Variants in EXOC3L4 observed in about 807,000 individuals in gnomAD.
EXOC3L4 encodes exocyst complex component 3-like protein 4.
In EXOC3L4, 62 loss-of-function variants were observed where a neutral mutation model predicts 69.7. The ratio of observed to expected loss-of-function variants is 0.89; its 90% CI spans 0.72 to 1.10. EXOC3L4 has a LOEUF of 1.10. EXOC3L4 is among the 50% of genes least tolerant of loss of function. EXOC3L4 has a pLI of 0.00. For synonymous variants in EXOC3L4, 502 were observed against 464.2 expected, an observed-to-expected ratio of 1.08 and a Z score of -1.05; for missense variants, 1,087 against 1,034.8, an observed-to-expected ratio of 1.05 and a Z score of -0.69.
rs542851668 is a variant in EXOC3L4 at position 103,108,216 on chromosome 14, C to A, written c.1855-180C>A. Among the ~76,000 whole-genome samples the A allele has an allele frequency of 2.0e-5, 3 of 152,262 alleles. No homozygotes were observed. In the East Asian group the frequency reaches 5.8e-4, roughly 30 times the overall value. On this transcript the variant is annotated intron_variant, in intron 10 of 11. Transcript: ENST00000688303. The stretch of plus-strand genomic sequence containing the variant: ...GCTGTGTAGCCAGCCCATGAGCCCT[C>A]GGTGCCCAGGCACGCTCCCGTTCTG...
chr14:103,105,851 G>A (rs1890517129), intron 7 of EXOC3L4, among the ~76,000 whole-genome samples: 1 of 152,214 alleles, frequency 6.6e-6, no homozygotes, highest in African/African-American at 2.4e-5. Flanking sequence ...GTAAATTTTA[G>A]TGTCCCGAAG....
In EXOC3L4 at chr14:103,100,484, C is replaced by G; in HGVS notation, c.265C>G (p.Gln89Glu). 6.2e-7 allele frequency: 1 copy of G among 1,613,352 alleles called. No homozygotes were observed. The highest frequency in any genetic ancestry group is 8.5e-7 in the Non-Finnish European group (1 of 1,179,944). ...SSCSLFRSFRQALNDGPATGH... is the reference protein window; with the variant it reads ...SSCSLFRSFREALNDGPATGH... Reference sequence around the variant, plus strand: ...CTGCTCCCTGTTCCGGTCCTTCCGGCAAGCCCTGAATGACGGCCCAGCTAC... The same window carrying G: ...CTGCTCCCTGTTCCGGTCCTTCCGGGAAGCCCTGAATGACGGCCCAGCTAC... Residue 89 changes from glutamine to glutamate, a missense_variant, in exon 2 of 12, where the codon CAA becomes GAA. Transcript: ENST00000688303.
At chr14:103,109,213 C>T (rs1332334214) in intron 11 of EXOC3L4, among the ~76,000 whole-genome samples, 2 of 72,656 alleles carry the variant, frequency 2.8e-5, no homozygotes, top group Admixed American at 1.4e-4. Context: ...CCCATGTCTC[C>T]CTCCCTCCCT....
intron 3 of EXOC3L4, among the ~76,000 whole-genome samples, chr14:103,103,169 G>A (rs912162496): frequency 1.3e-5 from 2 of 152,080 alleles, no homozygotes; most frequent in Middle Eastern, 3.2e-3. Flanking sequence ...TTCGAAATCA[G>A]CCTGGCCAAC....
At position 103,106,861 on chromosome 14, in the gene EXOC3L4, C is replaced by T. The variant is rs774664684; in HGVS notation, c.1543C>T (p.Gln515Ter). 4 of 1,589,584 alleles carry T rather than the reference C, an allele frequency of 2.5e-6. No homozygotes were observed. The Admixed American group carries it at 7.0e-5, about 28-fold the overall frequency. ...CCTGGTGACGGCCACCTGCAGCTTCCAGAAGCACTTGCTTCAGGGCTTGCA... is the reference window on the plus strand; with the variant it reads ...CCTGGTGACGGCCACCTGCAGCTTCTAGAAGCACTTGCTTCAGGGCTTGCA... Reference protein sequence around the residue: ...KPLVTATCSFQKHLLQGLQRE... With the variant: ...KPLVTATCSF Residue 515 changes from glutamine (Q) to a stop codon, truncating the protein, a stop_gained, in exon 8 of 12, where the codon CAG (glutamine) becomes TAG (stop). Coordinates refer to ENST00000688303, the MANE Select transcript of EXOC3L4 (RefSeq NM_001077594.2). LOFTEE classifies it high-confidence loss of function.
chr14:103,106,822 G>T lies in EXOC3L4; in HGVS notation c.1504G>T (p.Glu502Ter), dbSNP rs1348800327. Residue 502 changes from glutamate to a stop codon, truncating the protein, a stop_gained, in exon 8 of 12, where the codon GAG (glutamate) becomes TAG (stop). Coordinates refer to ENST00000688303, the MANE Select transcript of EXOC3L4 (RefSeq NM_001077594.2). LOFTEE classifies it high-confidence loss of function. ...CTCCAGGTTCCCAGGAACCCAAGAG[G>T]AGCTGGAGAAGCCCCTGGTGACGGC... is the stretch of plus-strand genomic sequence containing the variant. ...LLSRFPGTQE[E>*]LEKPLVTATC... is the part of the protein sequence containing the mutation. 1 of 1,595,280 alleles carries T rather than the reference G, an allele frequency of 6.3e-7. No homozygotes were observed. Among genetic ancestry groups the T allele is most frequent in the Non-Finnish European group, 8.5e-7 (1 of 1,170,310 alleles).
Position 103,102,786 on chromosome 14 carries a change from A to G in EXOC3L4, c.1049+14A>G. 7.5e-7 allele frequency: 1 copy of G among 1,328,830 alleles called. No individual in the cohort carries two copies. The highest frequency in any genetic ancestry group is 2.3e-4 in the Middle Eastern group (1 of 4,258). The allele number at this position is 1,328,830 out of a possible 1,614,324, so 82.3% of individuals were successfully genotyped here. On this transcript the variant is annotated intron_variant, in intron 3 of 11. Coordinates refer to ENST00000688303, the MANE Select transcript of EXOC3L4 (RefSeq NM_001077594.2). ...CGTCTACGGCAGGTGAGTCTCGGCC[A>G]GGGCGCCCAGTGGCGAGGACAGCTG...
In EXOC3L4 at chr14:103,107,530, G is replaced by A. The variant is rs141635494; in HGVS notation, c.1688G>A (p.Arg563Gln). Reference protein sequence around the residue: ...TFAGHLQRVARPRAQETLQEV... With the variant: ...TFAGHLQRVAQPRAQETLQEV... ...GCCGGTCATCTCCAGCGTGTGGCCCGGCCGCGGGCACAGGTACCACAAGGG... is the reference window on the plus strand; with the variant it reads ...GCCGGTCATCTCCAGCGTGTGGCCCAGCCGCGGGCACAGGTACCACAAGGG... The change falls in exon 9 of 12, where the codon CGG becomes CAG. Residue 563 changes from arginine (R) to glutamine (Q), a missense_variant. By Grantham distance (43) the Arg-to-Gln change is conservative. Transcript: ENST00000688303. 12 of 1,613,578 alleles carry A rather than the reference G, an allele frequency of 7.4e-6. No individual in the cohort carries two copies. The highest frequency in any genetic ancestry group is 4.0e-5 in the African/African-American group (3 of 74,938).
At chr14:103,105,097 G>A in intron 7 of EXOC3L4, 25 bp downstream of exon 7, 1 of 1,580,414 alleles carries the variant, frequency 6.3e-7, no homozygotes. Flanking sequence ...CTCCTGTGCG[G>A]GCGCAGCGTG....
In EXOC3L4 at chr14:103,106,897, C is replaced by A; in HGVS notation, c.1579C>A (p.Gln527Lys). Residue 527 changes from glutamine to lysine, a missense_variant and splice_region_variant, in exon 8 of 12, where the codon CAG becomes AAG. Physicochemically the swap from Gln to Lys is moderately conservative, Grantham distance 53. Transcript: ENST00000688303. ...HLLQGLQREL[Q>K]PLFRVVCTRD... ...GCTTCAGGGCTTGCAGCGTGAGTTG[C>A]AGGTGACTGTGATAGGCCCTCTCTC... The A allele has an allele frequency of 1.3e-6, 2 of 1,560,782 alleles. No homozygotes were observed.
chr14:103,098,309 G>A (rs944079763), intron 1 of EXOC3L4, among the ~76,000 whole-genome samples: 1 of 152,144 alleles, frequency 6.6e-6, no homozygotes, highest in Non-Finnish European at 1.5e-5. Context: ...CGGGAGGGGA[G>A]CTTCTGGGCG....
chr14:103,108,804 C>G (rs2139515307), intron 11 of EXOC3L4, among the ~76,000 whole-genome samples: 1 of 152,278 alleles, frequency 6.6e-6, no homozygotes, highest in South Asian at 2.1e-4. Context: ...AGAAAGCCCT[C>G]TCTGAAAGCC....
At chr14:103,103,809 T>TGTGG in intron 3 of EXOC3L4, 132 bp from the exon 4 acceptor site, 2 of 598,938 alleles carry the variant, frequency 3.3e-6, no homozygotes, top group Non-Finnish European at 3.0e-6. Context: ...TGTGTGTGTG[T>TGTGG]GTGTGTGTGT....
At chr14:103,104,860 G>A in intron 6 of EXOC3L4, 22 bp downstream of exon 6, 1 of 1,515,606 alleles carries the variant, frequency 6.6e-7, no homozygotes, top group Non-Finnish European at 8.9e-7. Context: ...TCCTCAGTAG[G>A]GGAGCGACCT....
intron 10 of EXOC3L4, 76 bp downstream of exon 10, chr14:103,107,859 G>A (rs949634931): frequency 9.7e-6 from 14 of 1,446,076 alleles, no homozygotes; most frequent in Middle Eastern, 2.5e-4. Context: ...CCTTAGCGCC[G>A]GGAGGGCTTT....
At chr14:103,103,354 C>CA (rs3070496) in intron 3 of EXOC3L4, among the ~76,000 whole-genome samples, 4,873 of 94,730 alleles carry the variant, frequency 0.051, 180 homozygotes, top group Middle Eastern at 0.16. Flanking sequence ...GACTCTGTCT[C>CA]AAAAAAAAAA....
intron 1 of EXOC3L4, among the ~76,000 whole-genome samples, chr14:103,099,981 G>C (rs1318829726): frequency 6.6e-6 from 1 of 152,200 alleles, no homozygotes; most frequent in Non-Finnish European, 1.5e-5. Flanking sequence ...TCTCAGGAAA[G>C]GCTCCTGATG....
chr14:103,096,429 G>A (rs964026667), intron 1 of EXOC3L4, among the ~76,000 whole-genome samples: 7 of 124,108 alleles, frequency 5.6e-5, no homozygotes, highest in African/African-American at 1.8e-4. Flanking sequence ...GTAAGATTTA[G>A]TAGAGTGAAA....
In EXOC3L4 at chr14:103,102,226, T is replaced by C. The variant is rs767580318; in HGVS notation, c.503T>C (p.Phe168Ser). Reference sequence around the variant, plus strand: ...GTGGCCGAGAAGGCCTCGCGCACCTTTGAGCAGGACCCTACGGCCTTCGCG... The same window carrying C: ...GTGGCCGAGAAGGCCTCGCGCACCTCTGAGCAGGACCCTACGGCCTTCGCG... The part of the protein sequence containing the change: ...LLVAEKASRT[F>S]EQDPTAFARR... The change falls in exon 3 of 12, where the codon TTT becomes TCT. Residue 168 changes from phenylalanine (F) to serine (S), a missense_variant. By Grantham distance (155) the Phe-to-Ser change is radical. Transcript: ENST00000688303. 2 of 1,591,442 alleles carry C rather than the reference T, an allele frequency of 1.3e-6. No individual in the cohort carries two copies. The highest frequency in any genetic ancestry group is 1.7e-6 in the Non-Finnish European group (2 of 1,169,882).
Sources: gnomAD v4.1 joint callset for allele counts (sites outside exome capture counted in the v4.1 genomes callset) on GRCh38, gnomAD v4.1.1 for gene constraint, MANE v1.5 for transcripts, NCBI Gene and HGNC (gene_info 2026-07-23, HGNC 2026-07-21) for gene names.